The following ZYG11B variants were observed in gnomAD, a reference collection of about 807,000 sequenced individuals.
ZYG11B encodes zyg-11 family member B, cell cycle regulator.
Under a neutral mutation model 82.4 loss-of-function variants are expected in ZYG11B, and 36 were observed. That is an observed-to-expected ratio of 0.44 (90% CI 0.33 to 0.58). The LOEUF (loss-of-function observed/expected upper bound fraction) is 0.58, where lower values mean the gene tolerates loss of function less well. Ranked by LOEUF, ZYG11B falls within the 20% of genes least tolerant of loss-of-function variation. The pLI is 0.02. For synonymous variants in ZYG11B, 303 were observed against 312.8 expected, an observed-to-expected ratio of 0.97 and a Z score of 0.33; for missense variants, 552 against 895.6, an observed-to-expected ratio of 0.62 and a Z score of 4.90.
rs1645292522 is a variant in ZYG11B, at chr1:52,822,692, A to G, written c.*1063A>G. On this transcript the variant is annotated 3_prime_UTR_variant, in exon 14 of 14. Transcript: ENST00000294353. ...GAGAAAGTGTCCCCATCTCACTGCC[A>G]AAAATGAAAGAAAATAATTAAACTC... The G allele has an allele frequency of 6.6e-6, 1 of 152,250 alleles. No homozygotes were observed. The highest frequency in any genetic ancestry group is 2.4e-5 in the African/African-American group (1 of 41,464). The allele number at this position is 152,250 out of a possible 1,614,324, so 9.4% of individuals were successfully genotyped here.
intron 2 of ZYG11B, among the ~76,000 whole-genome samples, chr1:52,761,232 A>G (rs970561645): frequency 6.6e-6 from 1 of 152,196 alleles, no homozygotes; most frequent in African/African-American, 2.4e-5. Context: ...ATTTGAAACT[A>G]TGAATTATTG....
chr1:52,819,792 A>AAT (rs1553264500), intron 13 of ZYG11B, among the ~76,000 whole-genome samples: 2,795 of 149,606 alleles, frequency 0.019, 89 homozygotes, highest in African/African-American at 0.065. Flanking sequence ...TCTGAAAAAA[A>AAT]AATAATAATA....
At chr1:52,747,613 CAG>C (rs1378878029) in intron 1 of ZYG11B, among the ~76,000 whole-genome samples, 1 of 151,722 alleles carries the variant, frequency 6.6e-6, no homozygotes, top group Non-Finnish European at 1.5e-5. Flanking sequence ...AGGTAAAAAT[CAG>C]GGACTGCATG....
At chr1:52,812,456 G>A (rs1318165191) in intron 10 of ZYG11B, among the ~76,000 whole-genome samples, 1 of 152,110 alleles carries the variant, frequency 6.6e-6, no homozygotes, top group African/African-American at 2.4e-5. Flanking sequence ...AGGCTGGAGT[G>A]CAGTGATACG....
In ZYG11B at chr1:52,789,080, A is replaced by G. The variant is rs191379543; in HGVS notation, c.1270-923A>G. ...AACTTCCTGAGAAACCCTCTTAATT[A>G]ATTACACTTGTACCTAACCCATTCC... On this transcript the variant is annotated intron_variant, in intron 5 of 13. Transcript: ENST00000294353. 2.8e-3 allele frequency among the ~76,000 whole-genome samples: 420 copies of G among 152,232 alleles called. 1 individual carries two copies. The highest frequency in any genetic ancestry group is 9.4e-3 in the African/African-American group (391 of 41,532).
At chr1:52,789,686 GT>G (rs1348847013) in intron 5 of ZYG11B, among the ~76,000 whole-genome samples, 2 of 152,060 alleles carry the variant, frequency 1.3e-5, no homozygotes, top group African/African-American at 4.8e-5. Flanking sequence ...TTCAACCACT[GT>G]TTTTGTCATG....
intron 10 of ZYG11B, among the ~76,000 whole-genome samples, chr1:52,804,669 G>A (rs1645126920): frequency 6.6e-6 from 1 of 152,076 alleles, no homozygotes; most frequent in Admixed American, 6.6e-5. Flanking sequence ...TAACATATTG[G>A]ATATGGATTA....
At chr1:52,790,773 C>CTTTTTTTTTTTTTTTTTTTTTTTTTTTT in intron 6 of ZYG11B, among the ~76,000 whole-genome samples, 1 of 77,694 alleles carries the variant, frequency 1.3e-5, no homozygotes, top group Non-Finnish European at 2.2e-5. Flanking sequence ...GTCCAGTGTT[C>CTTTTTTTTTTTTTTTTTTTTTTTTTTTT]TTTTTTTTTT....
At chr1:52,787,222 G>T (rs1249230261) in intron 5 of ZYG11B, among the ~76,000 whole-genome samples, 1 of 152,180 alleles carries the variant, frequency 6.6e-6, no homozygotes, top group Non-Finnish European at 1.5e-5. Context: ...AGTGAATGAT[G>T]AATGAATTAC....
At chr1:52,783,033 T>C (rs916221600) in intron 4 of ZYG11B, among the ~76,000 whole-genome samples, 4 of 151,892 alleles carry the variant, frequency 2.6e-5, no homozygotes, top group South Asian at 2.1e-4. Flanking sequence ...TTCAAGCGAT[T>C]CTTCTGCCTC....
At position 52,822,551 on chromosome 1, in the gene ZYG11B, A is replaced by G. The variant is rs1389714460; in HGVS notation, c.*922A>G. 6.6e-6 allele frequency: 1 copy of G among 152,236 alleles called. No individual in the cohort carries two copies. Among genetic ancestry groups the G allele is most frequent in the African/African-American group, 2.4e-5 (1 of 41,464 alleles). The allele number at this position is 152,236 out of a possible 1,614,324, so 9.4% of individuals were successfully genotyped here. A position where few individuals can be genotyped will look rare whatever the true frequency, so the allele number is the denominator to read the frequency against. On this transcript the variant is annotated 3_prime_UTR_variant, in exon 14 of 14. Transcript: ENST00000294353. ...GTCATTTTTGTTCAGTGGAATAGAG[A>G]CAGCAACATGGTGTTAACCTCTCAA...
intron 3 of ZYG11B, among the ~76,000 whole-genome samples, chr1:52,778,367 G>A (rs1019610716): frequency 1.3e-5 from 2 of 151,976 alleles, no homozygotes; most frequent in East Asian, 3.9e-4. Flanking sequence ...TTAAAGTGAT[G>A]CTCCTGCCTC....
intron 8 of ZYG11B, 142 bp downstream of exon 8, chr1:52,796,926 AATTATATAT>A (rs1428936574): frequency 9.3e-6 from 1 of 107,450 alleles, no homozygotes; most frequent in African/African-American, 3.9e-5. Context: ...TATTATATAT[AATTATATAT>A]TATATATAAT....
In ZYG11B at chr1:52,817,775, G is replaced by GTATATATATATATATATA. The variant is rs1553264314; in HGVS notation, c.2044+1147_2044+1148insATATATATATATATATAT. On this transcript the variant is annotated intron_variant, in intron 13 of 13. Coordinates refer to ENST00000294353, the MANE Select transcript of ZYG11B (RefSeq NM_024646.3). ...TTAATAGTAAAGTGTGTATATATAT[G>GTATATATATATATATATA]TGTATATATATATATATATATATAT... Among the ~76,000 whole-genome samples, 9 of 32,578 alleles carry GTATATATATATATATATA rather than the reference G, an allele frequency of 2.8e-4. 2 individuals are homozygous for GTATATATATATATATATA. The South Asian group carries it at 4.3e-3, about 15-fold the overall frequency. 21.4% of individuals were successfully genotyped at this position (32,578 alleles called of 152,430 possible). A position where few individuals can be genotyped will look rare whatever the true frequency, so the allele number is the denominator to read the frequency against.
At chr1:52,752,709 T>C (rs1296755582) in intron 1 of ZYG11B, among the ~76,000 whole-genome samples, 1 of 145,388 alleles carries the variant, frequency 6.9e-6, no homozygotes, top group Non-Finnish European at 1.5e-5. Flanking sequence ...TGTAGTGCTA[T>C]GCTAATTCTG....
At chr1:52,786,760 AAC>A (rs1644916193) in intron 5 of ZYG11B, among the ~76,000 whole-genome samples, 1 of 152,050 alleles carries the variant, frequency 6.6e-6, no homozygotes, top group African/African-American at 2.4e-5. Context: ...CAGCCTGTGC[AAC>A]AGAGCAAGAC....
At chr1:52,767,494 G>A (rs749627157) in intron 2 of ZYG11B, among the ~76,000 whole-genome samples, 2 of 151,976 alleles carry the variant, frequency 1.3e-5, no homozygotes, top group Non-Finnish European at 2.9e-5. Context: ...TAGTAGAGAC[G>A]GGGTTTCACC....
At chr1:52,785,238 C>T (rs1644903527) in intron 5 of ZYG11B, among the ~76,000 whole-genome samples, 185 bp downstream of exon 5, 1 of 152,116 alleles carries the variant, frequency 6.6e-6, no homozygotes, top group African/African-American at 2.4e-5. Context: ...GCACCTAAAT[C>T]CATATATTGG....
At chr1:52,780,806 G>T (rs1169556022) in intron 4 of ZYG11B, among the ~76,000 whole-genome samples, 3 of 152,066 alleles carry the variant, frequency 2.0e-5, no homozygotes, top group African/African-American at 7.2e-5. Context: ...GGGCAAGAAA[G>T]GAGATTTCTT....
Sources: allele counts gnomAD v4.1 joint callset (sites outside exome capture counted in the v4.1 genomes callset), GRCh38; gene constraint gnomAD v4.1.1; transcripts MANE v1.5; gene names NCBI Gene and HGNC (gene_info 2026-07-23, HGNC 2026-07-21).